The following AKT3 variants were observed in gnomAD, a reference collection of about 807,000 sequenced individuals.
The protein encoded by AKT3 is RAC-gamma serine/threonine-protein kinase.
In AKT3, 15 loss-of-function variants were observed where a neutral mutation model predicts 65.3. The observed-to-expected ratio is 0.23, with a 90% CI of 0.15 to 0.35. AKT3 has a LOEUF of 0.35. Ranked by LOEUF, AKT3 falls within the 10% of genes least tolerant of loss-of-function variation. The pLI, the probability that AKT3 is intolerant of heterozygous loss-of-function variation, is 1.00. For synonymous variants in AKT3, 206 were observed against 183.8 expected (o/e 1.12, Z -0.98); for missense variants, 243 against 576.5 (o/e 0.42, Z 5.92).
At chr1:243,561,896 A>C (rs1269357791) in intron 10 of AKT3, among the ~76,000 whole-genome samples, 1 of 152,128 alleles carries the variant, frequency 6.6e-6, no homozygotes, top group East Asian at 1.9e-4. Context: ...TCTGTAATGT[A>C]AAGGTGTGGT....
intron 8 of AKT3, among the ~76,000 whole-genome samples, chr1:243,592,111 G>A (rs1022058272): frequency 7.2e-5 from 11 of 152,046 alleles, no homozygotes; most frequent in East Asian, 1.9e-4. Context: ...CAAGCTGGGC[G>A]GATCACGAGG....
chr1:243,541,256 T>C (rs1174519896), intron 12 of AKT3, among the ~76,000 whole-genome samples: 3 of 152,208 alleles, frequency 2.0e-5, no homozygotes, highest in Non-Finnish European at 4.4e-5. Flanking sequence ...GGAAGACATG[T>C]CCCTCTCAAC....
chr1:243,804,843 T>C (rs1187789843), intron 2 of AKT3, among the ~76,000 whole-genome samples: 2 of 149,206 alleles, frequency 1.3e-5, no homozygotes, highest in East Asian at 3.9e-4. Flanking sequence ...CAAGACTCCA[T>C]CTCAAAAAAA....
chr1:243,550,131 G>A (rs1051948298), intron 11 of AKT3, among the ~76,000 whole-genome samples: 1 of 152,124 alleles, frequency 6.6e-6, no homozygotes, highest in Non-Finnish European at 1.5e-5. Flanking sequence ...ACAGTACTTT[G>A]TATGTAGTTT....
intron 8 of AKT3, among the ~76,000 whole-genome samples, chr1:243,604,278 CCTCT>C (rs1677233695): frequency 6.6e-6 from 1 of 152,130 alleles, no homozygotes; most frequent in South Asian, 2.1e-4. Flanking sequence ...CCACTTTTGT[CCTCT>C]CTACTTCAAC....
At chr1:243,817,415 G>C (rs150987451) in intron 2 of AKT3, among the ~76,000 whole-genome samples, 1 of 152,308 alleles carries the variant, frequency 6.6e-6, no homozygotes, top group Admixed American at 6.5e-5. Context: ...TAAGATACTT[G>C]TATTTCAAGA....
intron 2 of AKT3, among the ~76,000 whole-genome samples, chr1:243,751,362 C>A (rs892421128): frequency 6.6e-6 from 1 of 152,192 alleles, no homozygotes; most frequent in African/African-American, 2.4e-5. Flanking sequence ...TCATGCCAAA[C>A]GCTTGGATTT....
At chr1:243,612,040 T>G (rs1677908754) in intron 8 of AKT3, among the ~76,000 whole-genome samples, 1 of 152,218 alleles carries the variant, frequency 6.6e-6, no homozygotes, top group Non-Finnish European at 1.5e-5. Flanking sequence ...TAACACATTT[T>G]CATAAACCCA....
chr1:243,782,858 A>T (rs1366204808), intron 2 of AKT3, among the ~76,000 whole-genome samples: 1 of 152,206 alleles, frequency 6.6e-6, no homozygotes, highest in East Asian at 1.9e-4. Context: ...GGTATTTTAT[A>T]AGGAAATATA....
At chr1:243,779,605 A>T in intron 2 of AKT3, among the ~76,000 whole-genome samples, 1 of 152,290 alleles carries the variant, frequency 6.6e-6, no homozygotes, top group East Asian at 1.9e-4. Context: ...TGATTAAAAC[A>T]GTACGGTATT....
At chr1:243,823,083 G>A (rs980147738) in intron 2 of AKT3, among the ~76,000 whole-genome samples, 3 of 152,196 alleles carry the variant, frequency 2.0e-5, no homozygotes, top group Non-Finnish European at 2.9e-5. Flanking sequence ...TACTCACCAC[G>A]ATCAAGTCAG....
intron 12 of AKT3, among the ~76,000 whole-genome samples, chr1:243,528,771 T>G (rs373545522): frequency 1.1e-3 from 167 of 152,336 alleles, no homozygotes; most frequent in African/African-American, 3.9e-3. Flanking sequence ...TGAACAGTGT[T>G]GTAATGAACA....
chr1:243,552,399 G>A (rs1673148199), intron 11 of AKT3, among the ~76,000 whole-genome samples: 1 of 149,808 alleles, frequency 6.7e-6, no homozygotes, highest in Non-Finnish European at 1.5e-5. Flanking sequence ...AAATACAAAG[G>A]CCCAGAGACT....
intron 9 of AKT3, among the ~76,000 whole-genome samples, chr1:243,572,454 G>C (rs974454692): frequency 2.4e-4 from 37 of 151,880 alleles, no homozygotes; most frequent in African/African-American, 8.2e-4. Flanking sequence ...ATTACCAACA[G>C]AAAAAATAGA....
intron 2 of AKT3, among the ~76,000 whole-genome samples, chr1:243,816,561 C>G (rs1693534255): frequency 6.6e-6 from 1 of 151,768 alleles, no homozygotes; most frequent in South Asian, 2.1e-4. Flanking sequence ...TAAATGATAT[C>G]AAGAAAAGGC....
rs1037009232 is a variant in AKT3, at chr1:243,499,925, C to T, written c.*5324G>A. 1.0e-5 allele frequency: 8 copies of T among 777,786 alleles called. No homozygotes were observed. The highest frequency in any genetic ancestry group is 4.0e-5 in the Admixed American group (2 of 50,408). The allele number at this position is 777,786 out of a possible 1,614,324, so 48.2% of individuals were successfully genotyped here. A position where few individuals can be genotyped will look rare whatever the true frequency, so the allele number is the denominator to read the frequency against. On this transcript the variant is annotated 3_prime_UTR_variant, in exon 14 of 14. Coordinates refer to ENST00000673466, the MANE Select transcript of AKT3 (RefSeq NM_005465.7). ...CTGCAGTGGGGCTGGTCCTCATCAACGCGGGCGCTGTCCCCGCACGCAGTC... is the reference window on the plus strand; with the variant it reads ...CTGCAGTGGGGCTGGTCCTCATCAATGCGGGCGCTGTCCCCGCACGCAGTC...
intron 10 of AKT3, 44 bp downstream of exon 10, chr1:243,563,676 C>T (rs1259564178): frequency 6.4e-7 from 1 of 1,557,912 alleles, no homozygotes; most frequent in Admixed American, 2.0e-5. Context: ...CTTTGCAAAT[C>T]ATTATGTCAA....
downstream of AKT3, among the ~76,000 whole-genome samples, chr1:243,499,565 T>G (rs1479840087): frequency 6.6e-6 from 1 of 152,216 alleles, no homozygotes; most frequent in East Asian, 1.9e-4. Flanking sequence ...TAACCTTATT[T>G]CATATGTGAA....
At position 243,489,535 on chromosome 1, in the gene AKT3, G is replaced by A. The variant is rs749036238; in HGVS notation, c.*7-1085C>T. 1.2e-4 allele frequency among the ~76,000 whole-genome samples: 19 copies of A among 152,318 alleles called. 1 individual carries two copies. Among genetic ancestry groups the A allele is most frequent in the South Asian group, 4.1e-4 (2 of 4,828 alleles). On this transcript the variant is annotated intron_variant, in intron 13 of 13. Coordinates refer to the AKT3 transcript ENST00000336199. ...TCGTGTATGGTTTGAATTGGTTGAGGAAAGAGGTGTTCCCAATTAGCAAAG... is the reference window on the plus strand; with the variant it reads ...TCGTGTATGGTTTGAATTGGTTGAGAAAAGAGGTGTTCCCAATTAGCAAAG...
Sources: allele counts gnomAD v4.1 joint callset (sites outside exome capture counted in the v4.1 genomes callset), GRCh38; gene constraint gnomAD v4.1.1; transcripts MANE v1.5; gene names NCBI Gene and HGNC (gene_info 2026-07-23, HGNC 2026-07-21).